The following MPDZ variants were observed in gnomAD, a reference collection of about 807,000 sequenced individuals.
The protein encoded by MPDZ is multiple PDZ domain crumbs cell polarity complex component.
Under a neutral mutation model 239.1 loss-of-function variants are expected in MPDZ, and 234 were observed. The ratio of observed to expected loss-of-function variants is 0.98; its 90% CI spans 0.88 to 1.09. MPDZ has a LOEUF of 1.09. MPDZ is among the 50% of genes least tolerant of loss of function. The probability of loss-of-function intolerance (pLI) is 0.00; values close to 1 mark genes in which losing one functional copy is unlikely to be tolerated. For synonymous variants in MPDZ, 1,048 were observed against 881.3 expected (o/e 1.19, Z -3.35); for missense variants, 3,175 against 2,510.0 (o/e 1.26, Z -5.66).
At chr9:13,253,690 T>C (rs759090381) in intron 1 of MPDZ, among the ~76,000 whole-genome samples, 3 of 152,200 alleles carry the variant, frequency 2.0e-5, no homozygotes, top group Non-Finnish European at 2.9e-5. Flanking sequence ...TGGCAAGTTC[T>C]GAGGAATTTT....
intron 1 of MPDZ, among the ~76,000 whole-genome samples, chr9:13,264,103 A>C (rs1375544756): frequency 2.0e-5 from 3 of 152,176 alleles, no homozygotes; most frequent in African/African-American, 7.2e-5. Flanking sequence ...AATATATATA[A>C]TATGGAAATT....
intron 3 of MPDZ, among the ~76,000 whole-genome samples, chr9:13,242,861 G>A (rs1039738447): frequency 6.6e-6 from 1 of 152,276 alleles, no homozygotes; most frequent in Admixed American, 6.5e-5. Flanking sequence ...ATGTTTAACA[G>A]CATCACTGAA....
chr9:13,140,201 T>G, intron 27 of MPDZ, 52 bp from the exon 28 acceptor site: 1 of 1,550,526 alleles, frequency 6.4e-7, no homozygotes, highest in Non-Finnish European at 8.7e-7. Flanking sequence ...GGAAGAAAAC[T>G]TCAAGAAGAA....
chr9:13,144,240 C>T (rs542918253), intron 26 of MPDZ, among the ~76,000 whole-genome samples: 2 of 151,884 alleles, frequency 1.3e-5, no homozygotes, highest in South Asian at 4.2e-4. Flanking sequence ...TATAAAATTG[C>T]CCATATTACT....
intron 11 of MPDZ, among the ~76,000 whole-genome samples, chr9:13,205,322 T>C (rs1461322157): frequency 1.3e-5 from 2 of 152,168 alleles, no homozygotes; most frequent in African/African-American, 4.8e-5. Context: ...TAGTGCAATA[T>C]GTATAAATGG....
chr9:13,252,509 T>C (rs1968326263), intron 1 of MPDZ, among the ~76,000 whole-genome samples: 1 of 143,038 alleles, frequency 7.0e-6, no homozygotes, highest in Non-Finnish European at 1.5e-5. Flanking sequence ...GAGGTTGCAG[T>C]GAGCCAAGAT....
In MPDZ at chr9:13,184,947, T is replaced by C. The variant is rs191813061; in HGVS notation, c.2481+1323A>G. 1.6e-3 allele frequency among the ~76,000 whole-genome samples: 246 copies of C among 152,096 alleles called. 1 individual carries two copies. The highest frequency in any genetic ancestry group is 3.4e-3 in the Middle Eastern group (1 of 294). On this transcript the variant is annotated intron_variant, in intron 18 of 46. Transcript: ENST00000319217. ...AAAGTGGAACTAATCTTCCTTTTGATTGGTATCCATTAAGGAGGTTCAAGG... is the reference window on the plus strand; with the variant it reads ...AAAGTGGAACTAATCTTCCTTTTGACTGGTATCCATTAAGGAGGTTCAAGG...
chr9:13,225,735 A>T (rs1458536257), intron 3 of MPDZ, among the ~76,000 whole-genome samples: 1 of 152,056 alleles, frequency 6.6e-6, no homozygotes, highest in Non-Finnish European at 1.5e-5. Flanking sequence ...AGGCTATATC[A>T]CCAAGGTTTG....
chr9:13,108,851 C>T, intron 46 of MPDZ, 85 bp downstream of exon 46: 2 of 1,398,442 alleles, frequency 1.4e-6, no homozygotes, highest in East Asian at 5.1e-5. Flanking sequence ...GGCATTACCT[C>T]AGGCCATAAA....
At chr9:13,211,476 C>G (rs1957611477) in intron 10 of MPDZ, among the ~76,000 whole-genome samples, 1 of 152,034 alleles carries the variant, frequency 6.6e-6, no homozygotes, top group African/African-American at 2.4e-5. Flanking sequence ...TCAAAACACT[C>G]CAGCCAAATG....
intron 28 of MPDZ, 50 bp from the exon 29 acceptor site, chr9:13,138,203 A>C (rs1253918047): frequency 1.0e-5 from 15 of 1,463,374 alleles, no homozygotes; most frequent in Non-Finnish European, 1.4e-5. Flanking sequence ...ATTTACAGTC[A>C]AATGCTTTAC....
At chr9:13,183,765 C>T (rs1261511257) in intron 18 of MPDZ, among the ~76,000 whole-genome samples, 180 bp from the exon 19 acceptor site, 1 of 151,998 alleles carries the variant, frequency 6.6e-6, no homozygotes, top group Non-Finnish European at 1.5e-5. Context: ...AATAGCCCAC[C>T]TACAGCAGAA....
intron 39 of MPDZ, among the ~76,000 whole-genome samples, chr9:13,115,601 G>A (rs1053731486): frequency 6.6e-6 from 1 of 151,422 alleles, no homozygotes; most frequent in Non-Finnish European, 1.5e-5. Flanking sequence ...AAAAGAAATG[G>A]AGAATTGAGC....
rs188742306 is a variant in MPDZ, at chr9:13,250,518, C to A, written c.-57-146G>T. On this transcript the variant is annotated intron_variant, in intron 1 of 46. Transcript: ENST00000319217. ...AACTTAAGATAGTTCGCTTTACAGA[C>A]AATAAAGTAAACATTTTAGGACTTA... The A allele has an allele frequency of 6.1e-6, 3 of 495,812 alleles. No homozygotes were observed. In the East Asian group the frequency reaches 9.2e-5, roughly 15 times the overall value. The allele number at this position is 495,812 out of a possible 1,614,324, so 30.7% of individuals were successfully genotyped here.
intron 3 of MPDZ, among the ~76,000 whole-genome samples, chr9:13,225,222 G>C (rs1056114859): frequency 6.6e-6 from 1 of 151,616 alleles, no homozygotes; most frequent in African/African-American, 2.4e-5. Flanking sequence ...CTTTATAAAG[G>C]AAAAAAAAGT....
chr9:13,261,846 A>G lies in MPDZ; in HGVS notation c.-57-11474T>C, dbSNP rs1039268347. ...CAGGAGCTCAAAACCAGCCTGGCCA[A>G]CAAAGTGAGACCTGTCTCTACAAAA... On this transcript the variant is annotated intron_variant, in intron 1 of 46. Transcript: ENST00000319217. 1.1e-4 allele frequency among the ~76,000 whole-genome samples: 16 copies of G among 141,018 alleles called. No homozygotes were observed. In the East Asian group the frequency reaches 3.4e-3, roughly 30 times the overall value. The allele number at this position is 141,018 out of a possible 152,430, so 92.5% of individuals were successfully genotyped here. A position where few individuals can be genotyped will look rare whatever the true frequency, so the allele number is the denominator to read the frequency against.
chr9:13,143,674 TC>T (rs1251167732), intron 26 of MPDZ, 110 bp from the exon 27 acceptor site: 6 of 803,522 alleles, frequency 7.5e-6, no homozygotes, highest in African/African-American at 1.7e-5. Flanking sequence ...TGAAACTAGA[TC>T]CTATCAGATC....
chr9:13,198,100 G>C (rs1320829262), intron 12 of MPDZ, among the ~76,000 whole-genome samples: 1 of 152,030 alleles, frequency 6.6e-6, no homozygotes, highest in Non-Finnish European at 1.5e-5. Context: ...CCTTTCTTTT[G>C]GATATATACC....
chr9:13,198,780 T>A (rs980255071), intron 12 of MPDZ, among the ~76,000 whole-genome samples: 2 of 150,216 alleles, frequency 1.3e-5, no homozygotes, highest in Non-Finnish European at 3.0e-5. Context: ...TGTGTGTGTG[T>A]GTGTTTTAGG....
Sources: allele counts gnomAD v4.1 joint callset (sites outside exome capture counted in the v4.1 genomes callset), GRCh38; gene constraint gnomAD v4.1.1; transcripts MANE v1.5; gene names NCBI Gene and HGNC (gene_info 2026-07-23, HGNC 2026-07-21).